The following CNTN3 variants were observed in gnomAD, a reference collection of about 807,000 sequenced individuals.
CNTN3 encodes the protein contactin-3.
A neutral mutation model predicts 119.1 loss-of-function variants in CNTN3; 60 were observed. The observed-to-expected ratio is 0.50, with a 90% CI of 0.41 to 0.62. The LOEUF is 0.62. Among genes scored for constraint, CNTN3 ranks in the 20% least tolerant of loss-of-function variants. CNTN3 has a pLI of 0.00. For missense variants in CNTN3, 1,101 were observed against 1,242.4 expected (o/e 0.89, Z 1.71); for synonymous variants, 450 against 438.7 (o/e 1.03, Z -0.32).
rs535059018 is a variant in CNTN3 at position 74,342,851 on chromosome 3, A to C, written c.1365-6193T>G. Among the ~76,000 whole-genome samples, 7 of 152,342 alleles carry C rather than the reference A, an allele frequency of 4.6e-5. No individual in the cohort carries two copies. The South Asian group carries it at 1.4e-3, about 32-fold the overall frequency. Reference sequence around the variant, plus strand: ...ATCATCTAAGTAACTCATAAGGCCCAGGCAATACTCTCATCTGAAACATTT... The same window carrying C: ...ATCATCTAAGTAACTCATAAGGCCCCGGCAATACTCTCATCTGAAACATTT... On this transcript the variant is annotated intron_variant, in intron 11 of 22. Transcript: ENST00000263665.
chr3:74,344,309 T>C (rs961446296), intron 11 of CNTN3, among the ~76,000 whole-genome samples: 1 of 152,040 alleles, frequency 6.6e-6, no homozygotes. Flanking sequence ...GATAGAATAG[T>C]TTTGCCCTTT....
intron 8 of CNTN3, among the ~76,000 whole-genome samples, chr3:74,366,760 G>A (rs931848028): frequency 4.6e-4 from 27 of 58,606 alleles, no homozygotes; most frequent in African/African-American, 1.8e-3. Context: ...GTGTGTGTGC[G>A]TGTGTGTGTG....
intron 5 of CNTN3, among the ~76,000 whole-genome samples, chr3:74,381,321 T>C (rs964573911): frequency 6.6e-6 from 1 of 152,122 alleles, no homozygotes; most frequent in African/African-American, 2.4e-5. Context: ...ATTTAAGAAA[T>C]AGTGGCTATA....
intron 11 of CNTN3, among the ~76,000 whole-genome samples, chr3:74,358,086 C>T (rs758380077): frequency 2.0e-5 from 3 of 152,132 alleles, no homozygotes; most frequent in South Asian, 4.1e-4. Context: ...GCAACTTGTT[C>T]GATAATTGCT....
At position 74,568,976 on chromosome 3, in the gene CNTN3, C is replaced by T. The variant is rs1307348614; in HGVS notation, c.-81+45415G>A. Among the ~76,000 whole-genome samples the T allele has an allele frequency of 3.3e-5, 5 of 152,264 alleles. No homozygotes were observed. The East Asian group carries it at 7.8e-4, about 24-fold the overall frequency. ...TAATGTGTGGGCAAAGGAGATGAAC[C>T]TTGATGGGTGGATAAAGCTTACAGC... is the stretch of plus-strand genomic sequence containing the variant. On this transcript the variant is annotated intron_variant, in intron 1 of 22. Transcript: ENST00000263665.
intron 1 of CNTN3, among the ~76,000 whole-genome samples, chr3:74,527,765 A>G (rs1239997204): frequency 1.3e-5 from 2 of 151,952 alleles, no homozygotes; most frequent in African/African-American, 4.8e-5. Flanking sequence ...CTGCTTTACA[A>G]GCCTCTCCGC....
chr3:74,387,047 G>A (rs998695522), intron 5 of CNTN3, among the ~76,000 whole-genome samples: 8 of 152,178 alleles, frequency 5.3e-5, no homozygotes, highest in African/African-American at 1.7e-4. Context: ...AGTGGAAAGC[G>A]ATGCAAGCAG....
chr3:74,588,582 C>T lies in CNTN3; in HGVS notation c.-81+25809G>A, dbSNP rs1704640666. ...TCCCCATCAAGCTACCAATGACTTT[C>T]TTCACAGAATTGGAAAAAACTACTT... On this transcript the variant is annotated intron_variant, in intron 1 of 22. Coordinates refer to ENST00000263665, the MANE Select transcript of CNTN3 (RefSeq NM_020872.3). Among the ~76,000 whole-genome samples, 5 of 152,052 alleles carry T rather than the reference C, an allele frequency of 3.3e-5. No individual in the cohort carries two copies. In the South Asian group the frequency reaches 1.0e-3, roughly 31 times the overall value.
chr3:74,288,159 CTTTTT>C (rs3084509), intron 19 of CNTN3, among the ~76,000 whole-genome samples: 2 of 90,376 alleles, frequency 2.2e-5, no homozygotes, highest in Non-Finnish European at 4.8e-5. Context: ...CTTTTCTTTT[CTTTTT>C]TTTTTTTTTT....
intron 3 of CNTN3, among the ~76,000 whole-genome samples, chr3:74,493,112 T>C (rs75256089): frequency 0.023 from 3,449 of 152,234 alleles, 49 homozygotes; most frequent in South Asian, 0.073. Flanking sequence ...ATCTTACTAG[T>C]TATTATTATT....
At chr3:74,380,637 C>T (rs960272316) in intron 5 of CNTN3, among the ~76,000 whole-genome samples, 4 of 152,180 alleles carry the variant, frequency 2.6e-5, no homozygotes, top group East Asian at 1.9e-4. Context: ...TGAATCCAAA[C>T]GTAGTGCTTC....
chr3:74,279,895 GA>G (rs1489706314), intron 20 of CNTN3, among the ~76,000 whole-genome samples: 38 of 152,092 alleles, frequency 2.5e-4, no homozygotes, highest in South Asian at 1.7e-3. Context: ...GGGTGAGGGG[GA>G]TAAGTGGAGA....
intron 5 of CNTN3, among the ~76,000 whole-genome samples, chr3:74,393,582 G>A (rs1704968580): frequency 6.6e-6 from 1 of 152,208 alleles, no homozygotes; most frequent in Non-Finnish European, 1.5e-5. Context: ...GAAAAGATAA[G>A]GGAGTTCCAG....
intron 1 of CNTN3, among the ~76,000 whole-genome samples, chr3:74,554,928 G>A (rs1045917004): frequency 1.5e-4 from 23 of 152,042 alleles, no homozygotes; most frequent in Non-Finnish European, 2.5e-4. Flanking sequence ...TGACTGTCCT[G>A]GCCAGAACTT....
intron 3 of CNTN3, among the ~76,000 whole-genome samples, chr3:74,488,198 T>C (rs1178543183): frequency 6.6e-6 from 1 of 151,948 alleles, no homozygotes; most frequent in Non-Finnish European, 1.5e-5. Flanking sequence ...CGGCAAGCTC[T>C]GCCTCCTGAG....
intron 5 of CNTN3, among the ~76,000 whole-genome samples, chr3:74,416,766 T>C (rs975088228): frequency 1.6e-4 from 24 of 152,216 alleles, no homozygotes; most frequent in African/African-American, 5.3e-4. Flanking sequence ...AGCGGTTGGA[T>C]CACTTGAGGT....
rs547560189 is a variant in CNTN3, at chr3:74,575,735, C to T, written c.-81+38656G>A. 1.5e-4 allele frequency among the ~76,000 whole-genome samples: 23 copies of T among 152,032 alleles called. No homozygotes were observed. The East Asian group carries it at 3.5e-3, about 23-fold the overall frequency. On this transcript the variant is annotated intron_variant, in intron 1 of 22. Coordinates refer to ENST00000263665, the MANE Select transcript of CNTN3 (RefSeq NM_020872.3). ...ATCAACTCCTGCTCCCCTTTTCCCT[C>T]ATCTCTTTCATTTTTCATAGTGGCT...
intron 4 of CNTN3, among the ~76,000 whole-genome samples, chr3:74,449,662 A>T (rs888407743): frequency 1.3e-5 from 2 of 152,110 alleles, no homozygotes; most frequent in Non-Finnish European, 2.9e-5. Context: ...ATTATGCAAG[A>T]AAACCTTCTG....
chr3:74,295,414 G>A (rs1702318672), intron 18 of CNTN3, among the ~76,000 whole-genome samples, 178 bp from the exon 19 acceptor site: 2 of 152,118 alleles, frequency 1.3e-5, no homozygotes, highest in African/African-American at 4.8e-5. Flanking sequence ...GGAAAAGATG[G>A]CATCATAGCC....
Sources: gnomAD v4.1 joint callset for allele counts (sites outside exome capture counted in the v4.1 genomes callset) on GRCh38, gnomAD v4.1.1 for gene constraint, MANE v1.5 for transcripts, NCBI Gene and HGNC (gene_info 2026-07-23, HGNC 2026-07-21) for gene names.